ZFP90: variants seen among roughly 807,000 people sequenced by gnomAD.
The protein encoded by ZFP90 is ZFP90 zinc finger protein.
ZFP90 carries 38 observed loss-of-function variants against 60.8 expected under a neutral mutation model. The observed-to-expected ratio is 0.62, with a 90% confidence interval of 0.48 to 0.82. The LOEUF (loss-of-function observed/expected upper bound fraction) is 0.82. Ranked by LOEUF, ZFP90 falls within the 40% of genes least tolerant of loss-of-function variation. ZFP90 has a pLI of 0.00. For synonymous variants in ZFP90, 287 were observed against 264.8 expected, an observed-to-expected ratio of 1.08 and a Z score of -0.82; for missense variants, 711 against 759.1, an observed-to-expected ratio of 0.94 and a Z score of 0.74.
At chr16:68,549,923 G>A (rs2091229357) in intron 2 of ZFP90, among the ~76,000 whole-genome samples, 1 of 152,094 alleles carries the variant, frequency 6.6e-6, no homozygotes, top group Non-Finnish European at 1.5e-5. Flanking sequence ...AAACACAAAA[G>A]AAAATGTTGT....
At chr16:68,562,766 T>G in intron 4 of ZFP90, 1 of 605,994 alleles carries the variant, frequency 1.7e-6, no homozygotes, top group South Asian at 2.1e-5. Context: ...TTTGTATCTG[T>G]GCCTAACACA....
Position 68,565,090 on chromosome 16 carries a change from C to A in ZFP90, c.*392C>A. On this transcript the variant is annotated 3_prime_UTR_variant, in exon 5 of 5. Transcript: ENST00000563169. ...TTTTAAAAATTGCTTGACAACTGCA[C>A]TCAACTGCAGCTCTTACATTAACTT... The A allele has an allele frequency of 1.0e-6, 1 of 996,208 alleles. No individual in the cohort carries two copies. Among genetic ancestry groups the A allele is most frequent in the Non-Finnish European group, 1.2e-6 (1 of 837,052 alleles). The allele number at this position is 996,208 out of a possible 1,614,324, so 61.7% of individuals were successfully genotyped here.
Position 68,563,477 on chromosome 16 carries a change from G to A in ZFP90, c.690G>A (p.Glu230=). ...FIHRSSLTKH[E]KTHKGEGAFP... ...ATAGATCATCGCTTACTAAACATGA[G>A]AAAACACATAAAGGAGAGGGAGCTT... Residue 230 remains glutamate (E), a synonymous_variant, in exon 5 of 5, where the codon GAG becomes GAA. Transcript: ENST00000563169. 6.2e-7 allele frequency: 1 copy of A among 1,614,058 alleles called. No homozygotes were observed. Among genetic ancestry groups the A allele is most frequent in the Admixed American group, 1.7e-5 (1 of 60,000 alleles).
Position 68,566,669 on chromosome 16 carries a change from C to T in ZFP90, c.*1971C>T, listed in dbSNP as rs996769574. On this transcript the variant is annotated 3_prime_UTR_variant, in exon 5 of 5. Transcript: ENST00000563169. ...ACCATGATTAGCTCACACACAATGC[C>T]AAGGCTGTGCTTCTATTATCTGATA... is the stretch of plus-strand genomic sequence containing the variant. 5 of 985,546 alleles carry T rather than the reference C, an allele frequency of 5.1e-6. No individual in the cohort carries two copies. The highest frequency in any genetic ancestry group is 6.0e-6 in the Non-Finnish European group (5 of 829,938). 61.1% of individuals were successfully genotyped at this position (985,546 alleles called of 1,614,324 possible).
At chr16:68,551,818 G>A (rs1456531578) in intron 2 of ZFP90, among the ~76,000 whole-genome samples, 4 of 152,002 alleles carry the variant, frequency 2.6e-5, no homozygotes, top group African/African-American at 9.7e-5. Flanking sequence ...GAGTGCAGTG[G>A]CGTGATCTCG....
chr16:68,555,337 A>G (rs1193482973), intron 2 of ZFP90: 1 of 152,204 alleles, frequency 6.6e-6, no homozygotes, highest in Non-Finnish European at 1.5e-5. Context: ...TCTAACCTTG[A>G]TCAGAAAAAT....
At position 68,550,477 on chromosome 16, in the gene ZFP90, C is replaced by T. The variant is rs574523621; in HGVS notation, c.34-7521C>T. 4.6e-5 allele frequency among the ~76,000 whole-genome samples: 7 copies of T among 152,276 alleles called. No individual in the cohort carries two copies. The South Asian group carries it at 1.5e-3, about 32-fold the overall frequency. On this transcript the variant is annotated intron_variant, in intron 2 of 4. Transcript: ENST00000563169. ...TGTTGGCCAGGCTGGTCTCAAACTC[C>T]TGACCTCAGGTGATCCACTCACCTC...
chr16:68,540,615 A>G (rs2091024938), intron 2 of ZFP90, among the ~76,000 whole-genome samples: 1 of 152,028 alleles, frequency 6.6e-6, no homozygotes, highest in South Asian at 2.1e-4. Flanking sequence ...TTCTCTTTAG[A>G]ATTAAGGGAA....
At chr16:68,570,704 A>C (rs967244542), downstream of ZFP90, among the ~76,000 whole-genome samples, 2 of 152,222 alleles carry the variant, frequency 1.3e-5, no homozygotes, top group Non-Finnish European at 2.9e-5. Context: ...ACTGGAAAAT[A>C]AGTCCTGCTG....
At chr16:68,549,562 C>A (rs2091216996) in intron 2 of ZFP90, among the ~76,000 whole-genome samples, 1 of 151,558 alleles carries the variant, frequency 6.6e-6, no homozygotes, top group South Asian at 2.1e-4. Flanking sequence ...GCCTGTACTC[C>A]TAGCTACTCG....
downstream of ZFP90, among the ~76,000 whole-genome samples, chr16:68,568,385 A>G (rs2091549836): frequency 2.6e-5 from 4 of 152,358 alleles, no homozygotes; most frequent in African/African-American, 9.6e-5. Flanking sequence ...CCTACCAATT[A>G]GGCTGGCAAA....
intron 3 of ZFP90, 78 bp from the exon 4 acceptor site, chr16:68,558,395 T>C: frequency 1.5e-6 from 2 of 1,308,840 alleles, no homozygotes; most frequent in Non-Finnish European, 2.2e-6. Flanking sequence ...GATCAAGGAC[T>C]AGTACTGACT....
chr16:68,552,020 A>T (rs113694074), intron 2 of ZFP90, among the ~76,000 whole-genome samples: 5,183 of 152,148 alleles, frequency 0.034, 274 homozygotes, highest in African/African-American at 0.12. Context: ...TTGGCCTCCC[A>T]AAGTGCTGGG....
At chr16:68,575,984 A>G (rs1395674573) in exon 3 of ZFP90, 6 of 392,558 alleles carry the variant, frequency 1.5e-5, no homozygotes, top group Non-Finnish European at 4.5e-6. Flanking sequence ...ACTCTGGAAC[A>G]TTTATTCCAG....
chr16:68,573,824 A>C (rs1409810382), intron 2 of ZFP90: 1 of 152,270 alleles, frequency 6.6e-6, no homozygotes, highest in African/African-American at 2.4e-5. Flanking sequence ...GACATGTGGC[A>C]CAGCTAGGGA....
intron 2 of ZFP90, among the ~76,000 whole-genome samples, chr16:68,548,717 C>T (rs2091200590): frequency 6.6e-6 from 1 of 151,648 alleles, no homozygotes; most frequent in African/African-American, 2.4e-5. Context: ...CTCGAACTCC[C>T]GACCTCAGGT....
At position 68,563,833 on chromosome 16, in the gene ZFP90, A is replaced by C. The variant is rs952628066; in HGVS notation, c.1046A>C (p.His349Pro). 1 of 1,614,054 alleles carries C rather than the reference A, an allele frequency of 6.2e-7. No homozygotes were observed. Among genetic ancestry groups the C allele is most frequent in the Non-Finnish European group, 8.5e-7 (1 of 1,179,994 alleles). ...RCNLCGRSFR[H>P]GTSLTQHEVT... ...AATCTATGTGGGAGGTCCTTTAGGC[A>C]TGGCACATCCCTCACTCAACACGAG... is the stretch of plus-strand genomic sequence containing the variant. Residue 349 changes from histidine (H) to proline (P), a missense_variant, in exon 5 of 5, where the codon CAT becomes CCT. His to Pro is a moderately conservative substitution (Grantham distance 77). Around this residue, in one of 5 missense-constraint regions of ZFP90, gnomAD observed 146 missense variants for 201.4 expected, o/e 0.73. Coordinates refer to ENST00000563169, the MANE Select transcript of ZFP90 (RefSeq NM_001305203.2).
In ZFP90 at chr16:68,566,383, T is replaced by C. The variant is rs1053907804; in HGVS notation, c.*1685T>C. On this transcript the variant is annotated 3_prime_UTR_variant, in exon 5 of 5. Coordinates refer to ENST00000563169, the MANE Select transcript of ZFP90 (RefSeq NM_001305203.2). The stretch of plus-strand genomic sequence containing the variant: ...TAAATATGAATCATGGGGCAAGATA[T>C]TGGTCGTATTGATGGTGAACCTTTC... 1.1e-5 allele frequency: 11 copies of C among 985,446 alleles called. No homozygotes were observed. In the Admixed American group the frequency reaches 1.8e-4, roughly 17 times the overall value. 61.0% of individuals were successfully genotyped at this position (985,446 alleles called of 1,614,324 possible).
Position 68,566,545 on chromosome 16 carries a change from A to G in ZFP90, c.*1847A>G. 2 of 985,548 alleles carry G rather than the reference A, an allele frequency of 2.0e-6. No homozygotes were observed. Among genetic ancestry groups the G allele is most frequent in the African/African-American group, 1.7e-5 (1 of 57,352 alleles). 61.1% of individuals were successfully genotyped at this position (985,548 alleles called of 1,614,324 possible). On this transcript the variant is annotated 3_prime_UTR_variant, in exon 5 of 5. Coordinates refer to ENST00000563169, the MANE Select transcript of ZFP90 (RefSeq NM_001305203.2). ...ATGGGGGCTGAAATGTAATATGTGTAGCTCAATTAGTCTCTCCTCTGTGAT... is the reference window on the plus strand; with the variant it reads ...ATGGGGGCTGAAATGTAATATGTGTGGCTCAATTAGTCTCTCCTCTGTGAT...
Sources: gnomAD v4.1 joint callset for allele counts (sites outside exome capture counted in the v4.1 genomes callset) on GRCh38, gnomAD v4.1.1 for gene constraint, gnomAD v4.1.1 regional missense constraint, MANE v1.5 for transcripts, NCBI Gene and HGNC (gene_info 2026-07-23, HGNC 2026-07-21) for gene names.